Variants in PPARGC1A observed in about 807,000 individuals in gnomAD.
The protein encoded by PPARGC1A is PPARG coactivator 1 alpha.
PPARGC1A carries 25 observed loss-of-function variants against 88.7 expected under a neutral mutation model. That is an observed-to-expected ratio of 0.28 (90% CI 0.21 to 0.39). The LOEUF is 0.39. PPARGC1A is among the 10% of genes least tolerant of loss of function. The pLI, the probability that PPARGC1A is intolerant of heterozygous loss-of-function variation, is 1.00. For missense variants in PPARGC1A, 880 were observed against 968.7 expected, an observed-to-expected ratio of 0.91 and a Z score of 1.22; for synonymous variants, 363 against 355.6, an observed-to-expected ratio of 1.02 and a Z score of -0.24.
chr4:23,966,495 G>A, the PPARGC1A span, among the ~76,000 whole-genome samples: 3 of 152,154 alleles, frequency 2.0e-5, no homozygotes, highest in Non-Finnish European at 2.9e-5. Context: ...ATATGTGTTC[G>A]CTTTCAAATA....
chr4:24,082,194 A>C, the PPARGC1A span, among the ~76,000 whole-genome samples: 1 of 152,188 alleles, frequency 6.6e-6, no homozygotes, highest in South Asian at 2.1e-4. Flanking sequence ...CAATCCAGGC[A>C]CTGCCCCTGA....
the PPARGC1A span, among the ~76,000 whole-genome samples, chr4:24,201,878 C>T: frequency 2.0e-5 from 3 of 151,650 alleles, no homozygotes; most frequent in Admixed American, 1.3e-4. Flanking sequence ...TTAGCAGGTG[C>T]AAAATATTCT....
the PPARGC1A span, among the ~76,000 whole-genome samples, chr4:24,419,356 T>A: frequency 1.5e-5 from 1 of 66,298 alleles, no homozygotes; most frequent in Non-Finnish European, 3.7e-5. Flanking sequence ...TCTTCAAGTG[T>A]GTGTGTGTGT....
chr4:24,021,761 C>T, the PPARGC1A span, among the ~76,000 whole-genome samples: 5 of 152,276 alleles, frequency 3.3e-5, no homozygotes, highest in African/African-American at 4.8e-5. Context: ...CAAGGCAATA[C>T]AGGAGAAGTG....
At chr4:24,165,766 G>A in the PPARGC1A span, among the ~76,000 whole-genome samples, 18 of 152,040 alleles carry the variant, frequency 1.2e-4, no homozygotes, top group African/African-American at 4.1e-4. Flanking sequence ...ATCAATAAAC[G>A]TGTGTGTTCT....
At chr4:24,280,872 T>C in the PPARGC1A span, among the ~76,000 whole-genome samples, 2 of 152,230 alleles carry the variant, frequency 1.3e-5, no homozygotes, top group Non-Finnish European at 2.9e-5. Context: ...GCTGAAGCCT[T>C]ATAAAGTTAA....
chr4:24,070,641 A>G, the PPARGC1A span, among the ~76,000 whole-genome samples: 2 of 152,232 alleles, frequency 1.3e-5, no homozygotes, highest in African/African-American at 4.8e-5. Flanking sequence ...GTTAAATAAT[A>G]GACCCTAACC....
At chr4:24,119,250 T>A in the PPARGC1A span, among the ~76,000 whole-genome samples, 1 of 152,126 alleles carries the variant, frequency 6.6e-6, no homozygotes. Flanking sequence ...TCATAAAACC[T>A]CTCGATCTAA....
At chr4:23,905,839 T>C, upstream of PPARGC1A, among the ~76,000 whole-genome samples, 1 of 152,330 alleles carries the variant, frequency 6.6e-6, no homozygotes, top group African/African-American at 2.4e-5. Flanking sequence ...TTGTTCTTAA[T>C]GATCAGGCTA....
At chr4:24,251,299 T>C in the PPARGC1A span, among the ~76,000 whole-genome samples, 8 of 152,328 alleles carry the variant, frequency 5.3e-5, no homozygotes, top group African/African-American at 1.9e-4. Flanking sequence ...AAATAAACAA[T>C]ACCTACTTCA....
intron 11 of PPARGC1A, 60 bp from the exon 12 acceptor site, chr4:23,801,941 A>G: frequency 6.3e-7 from 1 of 1,584,938 alleles, no homozygotes; most frequent in Non-Finnish European, 8.6e-7. Flanking sequence ...TGGGACTGTA[A>G]CCCTTTCTAC....
chr4:24,389,970 C>T, the PPARGC1A span, among the ~76,000 whole-genome samples: 1 of 152,096 alleles, frequency 6.6e-6, no homozygotes, highest in African/African-American at 2.4e-5. Context: ...TTTGTGACCT[C>T]CTTTTTAGTT....
the PPARGC1A span, among the ~76,000 whole-genome samples, chr4:24,003,010 T>A: frequency 6.6e-6 from 1 of 152,204 alleles, no homozygotes; most frequent in African/African-American, 2.4e-5. Flanking sequence ...GTCTGATTCC[T>A]CTTCTCAGTC....
the PPARGC1A span, among the ~76,000 whole-genome samples, chr4:24,005,145 G>A: frequency 6.6e-6 from 1 of 152,148 alleles, no homozygotes; most frequent in East Asian, 1.9e-4. Flanking sequence ...TTTAAAAGCA[G>A]CAATAAAGGG....
At chr4:24,209,440 G>C in the PPARGC1A span, among the ~76,000 whole-genome samples, 1 of 152,190 alleles carries the variant, frequency 6.6e-6, no homozygotes, top group Non-Finnish European at 1.5e-5. Context: ...TGCCACAGCT[G>C]TGCATAGGCT....
the PPARGC1A span, among the ~76,000 whole-genome samples, chr4:24,426,145 C>G: frequency 2.0e-5 from 3 of 152,238 alleles, no homozygotes; most frequent in South Asian, 6.2e-4. Context: ...CTTATTTCTT[C>G]TTACAGAAGA....
the PPARGC1A span, chr4:24,091,609 C>T: frequency 1.0e-6 from 1 of 985,390 alleles, no homozygotes; most frequent in Non-Finnish European, 1.2e-6. Flanking sequence ...TTTACCAAAG[C>T]AGCAGCCAGG....
chr4:24,005,094 T>C, the PPARGC1A span, among the ~76,000 whole-genome samples: 1 of 152,206 alleles, frequency 6.6e-6, no homozygotes. Context: ...CTTGAAGAAA[T>C]ATCCTAGGTC....
the PPARGC1A span, among the ~76,000 whole-genome samples, chr4:24,127,488 A>G: frequency 6.6e-6 from 1 of 151,992 alleles, no homozygotes; most frequent in Non-Finnish European, 1.5e-5. Context: ...TTGTTATTAG[A>G]ATTTCAGTAC....
Sources: allele counts gnomAD v4.1 joint callset (sites outside exome capture counted in the v4.1 genomes callset), GRCh38; gene constraint gnomAD v4.1.1; transcripts MANE v1.5; gene names NCBI Gene and HGNC (gene_info 2026-07-23, HGNC 2026-07-21).